CTNNA3: variants seen among roughly 807,000 people sequenced by gnomAD.
The protein encoded by CTNNA3 is catenin alpha-3.
Under a neutral mutation model 95.7 loss-of-function variants are expected in CTNNA3, and 76 were observed. That is an observed-to-expected ratio of 0.79 (90% CI 0.66 to 0.96). The LOEUF is 0.96. Among genes scored for constraint, CTNNA3 ranks in the 40% least tolerant of loss-of-function variants. The pLI is 0.00. For synonymous variants in CTNNA3, 431 were observed against 374.4 expected (o/e 1.15, Z -1.74); for missense variants, 1,191 against 1,089.8 (o/e 1.09, Z -1.31).
chr10:66,507,067 T>C (rs752471519), intron 11 of CTNNA3, among the ~76,000 whole-genome samples: 8 of 152,182 alleles, frequency 5.3e-5, no homozygotes, highest in Admixed American at 1.3e-4. Flanking sequence ...CATCAGCTTA[T>C]GAAAGAACAT....
chr10:66,416,095 G>T (rs7920543), intron 11 of CTNNA3, among the ~76,000 whole-genome samples: 52,313 of 151,718 alleles, frequency 0.34, 9,696 homozygotes, highest in African/African-American at 0.48. Flanking sequence ...AATGAGAAAT[G>T]TAACAAAGTG....
intron 13 of CTNNA3, among the ~76,000 whole-genome samples, chr10:66,219,135 A>G (rs2088753209): frequency 6.6e-6 from 1 of 152,168 alleles, no homozygotes; most frequent in African/African-American, 2.4e-5. Flanking sequence ...TGCACCCAAG[A>G]AAACTTATCA....
chr10:67,173,567 T>C (rs1862107093), intron 7 of CTNNA3, among the ~76,000 whole-genome samples: 1 of 152,202 alleles, frequency 6.6e-6, no homozygotes. Context: ...TCAAGTCTGT[T>C]CTAGTGTATA....
rs74145115 is a variant in CTNNA3 at position 67,131,619 on chromosome 10, G to A, written c.1047+48698C>T. ...TGTCTCCATGCCTCCCAGTGTCAGAGATCAATCTTTGTCATTTTTTGTGTG... is the reference window on the plus strand; with the variant it reads ...TGTCTCCATGCCTCCCAGTGTCAGAAATCAATCTTTGTCATTTTTTGTGTG... On this transcript the variant is annotated intron_variant, in intron 7 of 17. Transcript: ENST00000433211. 4.2e-3 allele frequency among the ~76,000 whole-genome samples: 641 copies of A among 152,108 alleles called. 5 individuals carry two copies. Among genetic ancestry groups the A allele is most frequent in the African/African-American group, 0.015 (607 of 41,526 alleles).
chr10:66,179,027 C>T (rs1003197219), intron 13 of CTNNA3, among the ~76,000 whole-genome samples: 2 of 151,940 alleles, frequency 1.3e-5, no homozygotes, highest in Non-Finnish European at 2.9e-5. Flanking sequence ...GCAACTATTA[C>T]ATAATCAGCA....
chr10:66,809,455 A>AT (rs1841788344), intron 7 of CTNNA3, among the ~76,000 whole-genome samples: 1 of 151,956 alleles, frequency 6.6e-6, no homozygotes, highest in Non-Finnish European at 1.5e-5. Flanking sequence ...ACTTTAACGT[A>AT]TTTTTCTTGG....
At chr10:66,422,312 G>C (rs965939951) in intron 11 of CTNNA3, among the ~76,000 whole-genome samples, 1 of 151,978 alleles carries the variant, frequency 6.6e-6, no homozygotes, top group African/African-American at 2.4e-5. Context: ...AAATGAAATA[G>C]GCCCAGTTTC....
rs1486762557 is a variant in CTNNA3 at position 67,710,335 on chromosome 10, G to C, written c.-2+53099C>G. On this transcript the variant is annotated intron_variant, in intron 1 of 17. Coordinates refer to the CTNNA3 transcript ENST00000684154. Reference sequence around the variant, plus strand: ...TTGCCTGGACAAGAGGAGGAGATGGGAGGTACTCACAGGACCAGACCATAT... The same window carrying C: ...TTGCCTGGACAAGAGGAGGAGATGGCAGGTACTCACAGGACCAGACCATAT... 3.2e-4 allele frequency among the ~76,000 whole-genome samples: 49 copies of C among 152,158 alleles called. 1 individual carries two copies. The highest frequency in any genetic ancestry group is 7.2e-4 in the Non-Finnish European group (49 of 68,026).
chr10:67,700,264 G>C (rs1253372906), upstream of CTNNA3, among the ~76,000 whole-genome samples: 1 of 152,238 alleles, frequency 6.6e-6, no homozygotes. Context: ...CAGCTTTGAA[G>C]AGAGCAGTGG....
At chr10:66,729,103 G>T (rs1002728695) in intron 9 of CTNNA3, among the ~76,000 whole-genome samples, 4 of 152,074 alleles carry the variant, frequency 2.6e-5, no homozygotes, top group African/African-American at 9.7e-5. Flanking sequence ...TGTTCCATTG[G>T]TTTACATGTC....
At chr10:66,915,963 G>C (rs550803950) in intron 7 of CTNNA3, among the ~76,000 whole-genome samples, 4 of 151,946 alleles carry the variant, frequency 2.6e-5, no homozygotes, top group Non-Finnish European at 5.9e-5. Context: ...TGGCCAGGAT[G>C]GTCTCAATCT....
At chr10:67,261,700 C>A (rs546550616) in intron 5 of CTNNA3, among the ~76,000 whole-genome samples, 78 of 152,298 alleles carry the variant, frequency 5.1e-4, no homozygotes, top group African/African-American at 1.9e-3. Context: ...CAAATACACA[C>A]ATTTATTCAA....
At chr10:66,144,528 C>T (rs2083779105) in intron 13 of CTNNA3, among the ~76,000 whole-genome samples, 2 of 151,522 alleles carry the variant, frequency 1.3e-5, no homozygotes, top group East Asian at 1.9e-4. Context: ...GCTCGTGTTG[C>T]CCAGGCTGGA....
chr10:66,988,225 C>T (rs191790402), intron 7 of CTNNA3, among the ~76,000 whole-genome samples: 1 of 152,122 alleles, frequency 6.6e-6, no homozygotes, highest in East Asian at 1.9e-4. Flanking sequence ...TAAAAATGAT[C>T]CCCAAAATAA....
chr10:66,599,557 A>G (rs1425513710), intron 10 of CTNNA3, among the ~76,000 whole-genome samples: 3 of 151,954 alleles, frequency 2.0e-5, no homozygotes, highest in Admixed American at 6.6e-5. Context: ...ACAACAATAC[A>G]TTCTGAAAAA....
intron 7 of CTNNA3, among the ~76,000 whole-genome samples, chr10:66,914,130 C>CTTTTTTTTTT (rs3056545): frequency 5.8e-5 from 7 of 120,256 alleles, no homozygotes; most frequent in African/African-American, 2.2e-4. Flanking sequence ...AGGGTGCCTT[C>CTTTTTTTTTT]TTTTTTTTTT....
At chr10:67,728,704 TTTA>T (rs1321823259) in intron 1 of CTNNA3, among the ~76,000 whole-genome samples, 3 of 151,994 alleles carry the variant, frequency 2.0e-5, no homozygotes, top group African/African-American at 7.2e-5. Flanking sequence ...TTTTCATTGT[TTTA>T]TTATGTTCTA....
At chr10:66,471,148 T>C (rs1332599686) in intron 11 of CTNNA3, among the ~76,000 whole-genome samples, 1 of 151,862 alleles carries the variant, frequency 6.6e-6, no homozygotes, top group African/African-American at 2.4e-5. Context: ...AAAACTGTCA[T>C]TGAAAAAAGT....
chr10:66,049,972 T>C lies in CTNNA3; in HGVS notation c.2159+19336A>G, dbSNP rs955406575. ...AGATTTTTAAGGCCAAAAAAGTGTA[T>C]AGGAACCACACACACAAAAAAGAGA... is the stretch of plus-strand genomic sequence containing the variant. On this transcript the variant is annotated intron_variant, in intron 15 of 17. Coordinates refer to ENST00000433211, the MANE Select transcript of CTNNA3 (RefSeq NM_013266.4). Among the ~76,000 whole-genome samples the C allele has an allele frequency of 1.3e-4, 20 of 152,266 alleles. No homozygotes were observed. In the South Asian group the frequency reaches 1.9e-3, roughly 14 times the overall value.
Sources: allele counts gnomAD v4.1 joint callset (sites outside exome capture counted in the v4.1 genomes callset), GRCh38; gene constraint gnomAD v4.1.1; transcripts MANE v1.5; gene names NCBI Gene and HGNC (gene_info 2026-07-23, HGNC 2026-07-21).